The following SPOCK1 variants were observed in gnomAD, a reference collection of about 807,000 sequenced individuals.
The protein encoded by SPOCK1 is testican-1.
In SPOCK1, 23 loss-of-function variants were observed where a neutral mutation model predicts 55.3. The observed-to-expected ratio is 0.42, with a 90% confidence interval of 0.30 to 0.59. The LOEUF (loss-of-function observed/expected upper bound fraction) is 0.59, where lower values mean the gene tolerates loss of function less well. Among genes scored for constraint, SPOCK1 ranks in the 20% least tolerant of loss-of-function variants. The pLI, the probability that SPOCK1 is intolerant of heterozygous loss-of-function variation, is 0.22. For synonymous variants in SPOCK1, 226 were observed against 221.0 expected, an observed-to-expected ratio of 1.02 and a Z score of -0.20; for missense variants, 499 against 552.5, an observed-to-expected ratio of 0.90 and a Z score of 0.97.
chr5:137,259,058 A>T (rs530858156), intron 3 of SPOCK1, among the ~76,000 whole-genome samples: 24 of 152,314 alleles, frequency 1.6e-4, no homozygotes, highest in African/African-American at 5.1e-4. Context: ...AACATACCAC[A>T]TACCTACTCC....
chr5:137,462,862 A>G (rs1319929214), intron 2 of SPOCK1, among the ~76,000 whole-genome samples: 1 of 152,214 alleles, frequency 6.6e-6, no homozygotes, highest in African/African-American at 2.4e-5. Flanking sequence ...TACAAAACCA[A>G]AAATTCACTA....
chr5:137,427,137 C>G (rs1486125484), intron 2 of SPOCK1, among the ~76,000 whole-genome samples: 1 of 152,164 alleles, frequency 6.6e-6, no homozygotes, highest in African/African-American at 2.4e-5. Flanking sequence ...CCAGTGGATT[C>G]AGAGAGAGCA....
At chr5:137,225,148 T>C (rs6882267) in intron 3 of SPOCK1, among the ~76,000 whole-genome samples, 5,765 of 151,924 alleles carry the variant, frequency 0.038, 177 homozygotes, top group East Asian at 0.13. Flanking sequence ...AAATCGGCCA[T>C]CCCCAGAAAA....
chr5:137,164,491 G>T (rs896214603), intron 3 of SPOCK1, among the ~76,000 whole-genome samples: 22 of 152,158 alleles, frequency 1.4e-4, no homozygotes, highest in African/African-American at 5.3e-4. Flanking sequence ...AGATGTGCTG[G>T]CTTCAGGAGA....
In SPOCK1 at chr5:137,015,325, C is replaced by T. The variant is rs1392652110; in HGVS notation, c.590-22725G>A. On this transcript the variant is annotated intron_variant, in intron 6 of 10. Coordinates refer to ENST00000394945, the MANE Select transcript of SPOCK1 (RefSeq NM_004598.4). ...ATTAGCCAGGCATGGTAGTGGGCAC[C>T]TGTAGTCCCAGCTACTTGGGAGGCT... 3.9e-5 allele frequency among the ~76,000 whole-genome samples: 6 copies of T among 151,960 alleles called. No homozygotes were observed. The East Asian group carries it at 1.2e-3, about 29-fold the overall frequency.
chr5:137,196,327 C>T (rs868692302), intron 3 of SPOCK1, among the ~76,000 whole-genome samples: 33 of 152,308 alleles, frequency 2.2e-4, no homozygotes, highest in African/African-American at 1.9e-4. Flanking sequence ...ATAAATCTGT[C>T]GCCTAGCCCT....
chr5:137,356,798 A>ATATATATATATATAT (rs1491351108), intron 2 of SPOCK1, among the ~76,000 whole-genome samples: 5 of 13,736 alleles, frequency 3.6e-4, no homozygotes, highest in South Asian at 2.9e-3. Context: ...CAAAAAAAAT[A>ATATATATATATATAT]ATATATATAT....
chr5:137,099,565 T>C (rs917278243), intron 5 of SPOCK1, among the ~76,000 whole-genome samples: 4 of 112,564 alleles, frequency 3.6e-5, no homozygotes, highest in South Asian at 2.8e-4. Flanking sequence ...TTTAAAAAAA[T>C]ATATATGTGT....
intron 2 of SPOCK1, among the ~76,000 whole-genome samples, chr5:137,332,402 G>A (rs1449995821): frequency 6.6e-6 from 1 of 152,080 alleles, no homozygotes. Context: ...CGAGAACTCT[G>A]TGTGCTTCAT....
intron 8 of SPOCK1, among the ~76,000 whole-genome samples, chr5:136,985,752 C>T (rs1164767266): frequency 6.6e-6 from 1 of 152,152 alleles, no homozygotes; most frequent in Non-Finnish European, 1.5e-5. Flanking sequence ...TAGGCTCTGC[C>T]ACCTCCTAGC....
chr5:137,346,829 A>T (rs1407912969), intron 2 of SPOCK1, among the ~76,000 whole-genome samples: 1 of 152,184 alleles, frequency 6.6e-6, no homozygotes, highest in Non-Finnish European at 1.5e-5. Flanking sequence ...TCTTCAAAAA[A>T]CTGATGATCT....
intron 3 of SPOCK1, among the ~76,000 whole-genome samples, chr5:137,165,116 A>C (rs948478285): frequency 3.9e-5 from 6 of 152,156 alleles, no homozygotes; most frequent in Non-Finnish European, 7.4e-5. Flanking sequence ...TTGGGCAAGA[A>C]CCAGTACTGT....
At chr5:137,171,220 C>T (rs1449241037) in intron 3 of SPOCK1, among the ~76,000 whole-genome samples, 1 of 152,172 alleles carries the variant, frequency 6.6e-6, no homozygotes, top group East Asian at 1.9e-4. Context: ...CCTCTGAACT[C>T]ACGCTCTTGT....
intron 6 of SPOCK1, among the ~76,000 whole-genome samples, chr5:137,007,889 C>G (rs538961006): frequency 6.6e-6 from 1 of 152,118 alleles, no homozygotes; most frequent in South Asian, 2.1e-4. Flanking sequence ...GGAACCAACC[C>G]AAATGCCCAT....
intron 2 of SPOCK1, among the ~76,000 whole-genome samples, chr5:137,287,283 C>T (rs781715960): frequency 6.6e-6 from 1 of 152,208 alleles, no homozygotes; most frequent in African/African-American, 2.4e-5. Flanking sequence ...GCTCATCATG[C>T]CCCTCCTCCT....
chr5:137,015,698 A>G (rs895749138), intron 6 of SPOCK1, among the ~76,000 whole-genome samples: 1 of 152,292 alleles, frequency 6.6e-6, no homozygotes, highest in African/African-American at 2.4e-5. Context: ...ACTGTAATAG[A>G]CTACAGAGGG....
chr5:137,296,483 C>T (rs77206640), intron 2 of SPOCK1, among the ~76,000 whole-genome samples: 1,820 of 152,152 alleles, frequency 0.012, 39 homozygotes, highest in African/African-American at 0.041. Flanking sequence ...ATGGCATGGC[C>T]GACTGAACGC....
chr5:137,136,412 A>T (rs1753986704), intron 4 of SPOCK1, among the ~76,000 whole-genome samples: 1 of 152,182 alleles, frequency 6.6e-6, no homozygotes, highest in Non-Finnish European at 1.5e-5. Context: ...TTATATCTAT[A>T]AATAATTTGT....
At chr5:137,218,113 A>G (rs926424582) in intron 3 of SPOCK1, among the ~76,000 whole-genome samples, 1 of 152,228 alleles carries the variant, frequency 6.6e-6, no homozygotes, top group East Asian at 1.9e-4. Flanking sequence ...TCCATTTCTG[A>G]CTAATCAGAG....
Sources: allele counts gnomAD v4.1 joint callset (sites outside exome capture counted in the v4.1 genomes callset), GRCh38; gene constraint gnomAD v4.1.1; transcripts MANE v1.5; gene names NCBI Gene and HGNC (gene_info 2026-07-23, HGNC 2026-07-21).